ZC3H3: variants seen among roughly 807,000 people sequenced by gnomAD.
ZC3H3 encodes zinc finger CCCH domain-containing protein 3.
ZC3H3 carries 36 observed loss-of-function variants against 77.3 expected under a neutral mutation model. The observed-to-expected ratio is 0.47, with a 90% CI of 0.36 to 0.61. The LOEUF (loss-of-function observed/expected upper bound fraction) is 0.61, where lower values mean the gene tolerates loss of function less well. Ranked by LOEUF, ZC3H3 falls within the 20% of genes least tolerant of loss-of-function variation. ZC3H3 has a pLI of 0.00. For missense variants in ZC3H3, 1,331 were observed against 1,312.2 expected, an observed-to-expected ratio of 1.01 and a Z score of -0.22; for synonymous variants, 626 against 555.2, an observed-to-expected ratio of 1.13 and a Z score of -1.79.
Position 143,533,978 on chromosome 8 carries a change from A to C in ZC3H3, c.1561+2279T>G, listed in dbSNP as rs1201688168. On this transcript the variant is annotated intron_variant, in intron 3 of 11. Coordinates refer to ENST00000262577, the MANE Select transcript of ZC3H3 (RefSeq NM_015117.3). The surrounding 1 kb of genome is among the most constrained non-coding windows in gnomAD (Gnocchi z 4.0). ...GGCATGAGCCACCACGCCCAGCCTC[A>C]CGTTGGTCTTTAACTATGAGTTTGG... 6.6e-6 allele frequency among the ~76,000 whole-genome samples: 1 copy of C among 151,570 alleles called. No homozygotes were observed. The highest frequency in any genetic ancestry group is 1.5e-5 in the Non-Finnish European group (1 of 67,886).
intron 4 of ZC3H3, among the ~76,000 whole-genome samples, chr8:143,499,213 T>C (rs1821451821): frequency 1.3e-5 from 2 of 152,180 alleles, no homozygotes; most frequent in South Asian, 4.1e-4. Context: ...CTCCTGGCCG[T>C]CAGGGAAGCC....
At chr8:143,506,080 C>T (rs574539192) in intron 4 of ZC3H3, among the ~76,000 whole-genome samples, 116 of 152,376 alleles carry the variant, frequency 7.6e-4, no homozygotes, top group African/African-American at 2.7e-3. Flanking sequence ...CCTCCTCAGC[C>T]CCAGGGCATG....
intron 3 of ZC3H3, among the ~76,000 whole-genome samples, chr8:143,532,256 G>A (rs568276499): frequency 1.3e-5 from 2 of 152,356 alleles, no homozygotes; most frequent in African/African-American, 2.4e-5. Flanking sequence ...GGACGGAGGC[G>A]ATAGGAGGGG....
chr8:143,540,066 T>C (rs534301725), intron 1 of ZC3H3, among the ~76,000 whole-genome samples: 27 of 152,346 alleles, frequency 1.8e-4, no homozygotes, highest in African/African-American at 6.0e-4. Context: ...CGTCCAGACG[T>C]GTTGACGCCC....
chr8:143,472,352 G>A (rs1024415004), intron 5 of ZC3H3, among the ~76,000 whole-genome samples: 3 of 152,372 alleles, frequency 2.0e-5, no homozygotes, highest in African/African-American at 2.4e-5. Context: ...GTGTGGTGAC[G>A]TCAGGGGCTC....
intron 4 of ZC3H3, among the ~76,000 whole-genome samples, chr8:143,491,467 C>T (rs759058303): frequency 5.1e-4 from 78 of 152,348 alleles, no homozygotes; most frequent in Admixed American, 1.5e-3. Flanking sequence ...CGGGCCTGGG[C>T]GAGGCTCACA....
chr8:143,454,079 C>CTT (rs55882218), intron 9 of ZC3H3, among the ~76,000 whole-genome samples: 2 of 142,850 alleles, frequency 1.4e-5, no homozygotes, highest in Admixed American at 7.0e-5. Context: ...ATAACTTTTT[C>CTT]TTTTTTTTTT....
chr8:143,484,518 T>A (rs541254453), intron 4 of ZC3H3: 1 of 155,166 alleles, frequency 6.4e-6, no homozygotes, highest in African/African-American at 2.4e-5. Flanking sequence ...ATGACACTTT[T>A]AAAAATCCAT....
At chr8:143,475,640 G>A (rs1586902298) in intron 4 of ZC3H3, 55 bp from the exon 5 acceptor site, 1 of 1,500,880 alleles carries the variant, frequency 6.7e-7, no homozygotes, top group East Asian at 2.4e-5. Context: ...CTACAGCTCT[G>A]ATGGTCAGTG....
At chr8:143,480,839 G>C (rs1449578621) in intron 4 of ZC3H3, among the ~76,000 whole-genome samples, 1 of 152,242 alleles carries the variant, frequency 6.6e-6, no homozygotes, top group African/African-American at 2.4e-5. Flanking sequence ...ATGGCAGGAA[G>C]GCTGGGGAAG....
chr8:143,497,780 G>A (rs533803191), intron 4 of ZC3H3, among the ~76,000 whole-genome samples: 1 of 152,352 alleles, frequency 6.6e-6, no homozygotes, highest in African/African-American at 2.4e-5. Context: ...GGTCCCCTCA[G>A]TGGTCTCCGG....
intron 3 of ZC3H3, among the ~76,000 whole-genome samples, chr8:143,525,835 C>G (rs957619938): frequency 2.0e-5 from 3 of 152,252 alleles, no homozygotes; most frequent in African/African-American, 7.2e-5. Context: ...GGGAATGGGC[C>G]AGGCCATGGA....
In ZC3H3 at chr8:143,440,484, C is replaced by T. The variant is rs1040239049; in HGVS notation, c.2493-121G>A. On this transcript the variant is annotated intron_variant, in intron 10 of 11. Coordinates refer to ENST00000262577, the MANE Select transcript of ZC3H3 (RefSeq NM_015117.3). ...GGCCCTCCGTGGTCTCAGGGCAGAG[C>T]TGGAGGCACAGGTCAGGCCTGGCCC... 2.8e-6 allele frequency: 4 copies of T among 1,431,532 alleles called. No homozygotes were observed. The Admixed American group carries it at 1.1e-4, about 41-fold the overall frequency. The allele number at this position is 1,431,532 out of a possible 1,614,324, so 88.7% of individuals were successfully genotyped here.
intron 4 of ZC3H3, among the ~76,000 whole-genome samples, chr8:143,483,524 A>G (rs1050929937): frequency 1.3e-5 from 2 of 152,134 alleles, no homozygotes; most frequent in East Asian, 1.9e-4. Flanking sequence ...GAGGGGCCCA[A>G]GCTGGGCCGG....
chr8:143,475,075 C>A (rs1033171199), intron 5 of ZC3H3, among the ~76,000 whole-genome samples: 1 of 152,254 alleles, frequency 6.6e-6, no homozygotes, highest in Non-Finnish European at 1.5e-5. Context: ...CAGGGCCCTT[C>A]CTGGGGGATG....
chr8:143,450,056 T>G (rs770800058), intron 9 of ZC3H3, among the ~76,000 whole-genome samples: 4 of 152,200 alleles, frequency 2.6e-5, no homozygotes. Context: ...CCAACCTCTG[T>G]GGGTTACCCA....
intron 3 of ZC3H3, among the ~76,000 whole-genome samples, chr8:143,521,012 C>T (rs144171749): frequency 5.4e-4 from 83 of 152,328 alleles, no homozygotes; most frequent in African/African-American, 1.9e-3. Flanking sequence ...CACAGGTAGA[C>T]GGCCCGCCCG....
At chr8:143,447,349 C>G (rs1323082011) in intron 9 of ZC3H3, among the ~76,000 whole-genome samples, 1 of 152,232 alleles carries the variant, frequency 6.6e-6, no homozygotes, top group Non-Finnish European at 1.5e-5. Context: ...AGGACGTGTT[C>G]CAGACACTTC....
intron 4 of ZC3H3, among the ~76,000 whole-genome samples, chr8:143,489,865 G>C (rs1563856977): frequency 6.6e-6 from 1 of 152,194 alleles, no homozygotes; most frequent in East Asian, 1.9e-4. Flanking sequence ...CCTGACTCTG[G>C]GGAGTGGACG....
Sources: allele counts gnomAD v4.1 joint callset (sites outside exome capture counted in the v4.1 genomes callset), GRCh38; gene constraint gnomAD v4.1.1; non-coding constraint Gnocchi (gnomAD v3.1); transcripts MANE v1.5; gene names NCBI Gene and HGNC (gene_info 2026-07-23, HGNC 2026-07-21).